The following ST14 variants were observed in gnomAD, a reference collection of about 807,000 sequenced individuals.
ST14 encodes ST14 transmembrane serine protease matriptase.
A neutral mutation model predicts 96.5 loss-of-function variants in ST14; 40 were observed. That is an observed-to-expected ratio of 0.41 (90% CI 0.32 to 0.54). The LOEUF (loss-of-function observed/expected upper bound fraction) is 0.54. Ranked by LOEUF, ST14 falls within the 20% of genes least tolerant of loss-of-function variation. ST14 has a pLI of 0.17. For synonymous variants in ST14, 506 were observed against 492.1 expected, an observed-to-expected ratio of 1.03 and a Z score of -0.37; for missense variants, 1,066 against 1,188.9, an observed-to-expected ratio of 0.90 and a Z score of 1.52.
intron 1 of ST14, among the ~76,000 whole-genome samples, chr11:130,183,242 G>A (rs1953210754): frequency 6.6e-6 from 1 of 152,104 alleles, no homozygotes; most frequent in Non-Finnish European, 1.5e-5. Flanking sequence ...TTACAGGCGT[G>A]AGCCACCACA....
Position 130,188,482 on chromosome 11 carries a change from G to T in ST14, c.242-48G>T. 2 of 1,610,042 alleles carry T rather than the reference G, an allele frequency of 1.2e-6. No homozygotes were observed. Among genetic ancestry groups the T allele is most frequent in the Non-Finnish European group, 1.7e-6 (2 of 1,179,746 alleles). ...CCATTGTGGACGGCGAGGGACAGGC[G>T]GGGGTGGTACCACCTCCCCTGACTG... On this transcript the variant is annotated intron_variant, in intron 2 of 18. Coordinates refer to ENST00000278742, the MANE Select transcript of ST14 (RefSeq NM_021978.4). The surrounding 1 kb of genome is among the most constrained non-coding windows in gnomAD (Gnocchi z 5.4).
At position 130,181,149 on chromosome 11, in the gene ST14, G is replaced by C. The variant is rs1181718168; in HGVS notation, c.82-6965G>C. Among the ~76,000 whole-genome samples, 5 of 151,652 alleles carry C rather than the reference G, an allele frequency of 3.3e-5. No homozygotes were observed. Among genetic ancestry groups the C allele is most frequent in the African/African-American group, 1.2e-4 (5 of 41,192 alleles). Reference sequence around the variant, plus strand: ...GCTGGGTGGGATGGCGGTGGTCCCTGCTGGGTGGGATGGTGGTGATCTGAT... The same window carrying C: ...GCTGGGTGGGATGGCGGTGGTCCCTCCTGGGTGGGATGGTGGTGATCTGAT... On this transcript the variant is annotated intron_variant, in intron 1 of 18. Transcript: ENST00000278742. This position sits in a 1 kb window ranked among gnomAD's most constrained non-coding sequence, Gnocchi z 4.1.
At chr11:130,207,021 C>G (rs934857772) in intron 16 of ST14, among the ~76,000 whole-genome samples, 3 of 152,144 alleles carry the variant, frequency 2.0e-5, no homozygotes. Context: ...CCACTTATTT[C>G]GGGGTTCTTA....
At chr11:130,183,059 C>T (rs1007255220) in intron 1 of ST14, among the ~76,000 whole-genome samples, 15 of 151,738 alleles carry the variant, frequency 9.9e-5, no homozygotes, top group Non-Finnish European at 1.6e-4. Context: ...TGGGTTCAAG[C>T]GACTCTCCTG....
intron 6 of ST14, 71 bp from the exon 7 acceptor site, chr11:130,190,383 G>T (rs1251372365): frequency 2.5e-6 from 4 of 1,595,710 alleles, no homozygotes; most frequent in Non-Finnish European, 8.5e-7. Flanking sequence ...CACCCACGGG[G>T]TCTCAGGGTC....
At chr11:130,175,814 C>A (rs779125928) in intron 1 of ST14, among the ~76,000 whole-genome samples, 23 of 152,076 alleles carry the variant, frequency 1.5e-4, no homozygotes, top group Non-Finnish European at 2.9e-4. Flanking sequence ...CAGGCGTGTG[C>A]CACCACATCC....
chr11:130,188,190 G>T lies in ST14; in HGVS notation c.158G>T (p.Gly53Val). 6.2e-7 allele frequency: 1 copy of T among 1,614,218 alleles called. No individual in the cohort carries two copies. Among genetic ancestry groups the T allele is most frequent in the Non-Finnish European group, 8.5e-7 (1 of 1,180,036 alleles). Reference sequence around the variant, plus strand: ...AAGAAGGTGGAAAAGCATGGCCCGGGGCGCTGGGTGGTGCTGGCAGCCGTG... The same window carrying T: ...AAGAAGGTGGAAAAGCATGGCCCGGTGCGCTGGGTGGTGCTGGCAGCCGTG... ...NVKKVEKHGP[G>V]RWVVLAAVLI... is the part of the protein sequence containing the mutation. The change falls in exon 2 of 19, where the codon GGG becomes GTG. Residue 53 changes from glycine to valine, a missense_variant. By Grantham distance (109) the Gly-to-Val change is moderately radical. Coordinates refer to ENST00000278742, the MANE Select transcript of ST14 (RefSeq NM_021978.4). This position sits in a 1 kb window ranked among gnomAD's most constrained non-coding sequence, Gnocchi z 5.4.
intron 16 of ST14, among the ~76,000 whole-genome samples, chr11:130,203,829 C>G (rs962430697): frequency 6.6e-6 from 1 of 152,080 alleles, no homozygotes; most frequent in African/African-American, 2.4e-5. Context: ...ATTTTTTGTA[C>G]TTTTAGTAGA....
At chr11:130,198,869 G>A in intron 14 of ST14, 78 bp from the exon 15 acceptor site, 2 of 1,609,442 alleles carry the variant, frequency 1.2e-6, no homozygotes, top group South Asian at 2.2e-5. Context: ...GGGCCATGAG[G>A]CGCCATTGGT....
chr11:130,204,022 A>G (rs1310782639), intron 16 of ST14, among the ~76,000 whole-genome samples: 1 of 152,168 alleles, frequency 6.6e-6, no homozygotes, highest in Non-Finnish European at 1.5e-5. Flanking sequence ...GGCCTACGTG[A>G]TGTCGAGGCT....
At chr11:130,189,256 C>T (rs1193953018) in intron 4 of ST14, 2 of 513,878 alleles carry the variant, frequency 3.9e-6, no homozygotes, top group African/African-American at 1.9e-5. Context: ...ACTCAGGCAG[C>T]CTTCAATGAG....
At chr11:130,195,717 A>G (rs1367495080) in intron 9 of ST14, among the ~76,000 whole-genome samples, 2 of 151,934 alleles carry the variant, frequency 1.3e-5, no homozygotes, top group Non-Finnish European at 1.5e-5. Flanking sequence ...GCCGGGTGTG[A>G]TGGCGGGCAC....
rs775542029 is a variant in ST14 at position 130,188,482 on chromosome 11, G to A, written c.242-48G>A. ...CCATTGTGGACGGCGAGGGACAGGC[G>A]GGGGTGGTACCACCTCCCCTGACTG... is the stretch of plus-strand genomic sequence containing the variant. On this transcript the variant is annotated intron_variant, in intron 2 of 18. Coordinates refer to ENST00000278742, the MANE Select transcript of ST14 (RefSeq NM_021978.4). The surrounding 1 kb of genome is among the most constrained non-coding windows in gnomAD (Gnocchi z 5.4). 6.8e-6 allele frequency: 11 copies of A among 1,609,924 alleles called. No homozygotes were observed. The highest frequency in any genetic ancestry group is 1.3e-5 in the African/African-American group (1 of 74,916).
rs1242923530 is a variant in ST14 at position 130,187,277 on chromosome 11, C to T, written c.82-837C>T. Reference sequence around the variant, plus strand: ...GACGGCATGTGCTATCGGCAGAAGCCTTCGCCGGTCCGTCACTGGGTGCAG... The same window carrying T: ...GACGGCATGTGCTATCGGCAGAAGCTTTCGCCGGTCCGTCACTGGGTGCAG... On this transcript the variant is annotated intron_variant, in intron 1 of 18. Transcript: ENST00000278742. This position sits in a 1 kb window ranked among gnomAD's most constrained non-coding sequence, Gnocchi z 4.5. Among the ~76,000 whole-genome samples, 1 of 152,236 alleles carries T rather than the reference C, an allele frequency of 6.6e-6. No homozygotes were observed. The highest frequency in any genetic ancestry group is 2.4e-5 in the African/African-American group (1 of 41,454).
chr11:130,160,079 C>G lies in ST14; in HGVS notation c.81+19C>G. ...GCACGAGGTGAGCGCGGGCCGGGGA[C>G]CCGGGGCGCTGGGAAGCTCCTGCCC... On this transcript the variant is annotated intron_variant, in intron 1 of 18. Coordinates refer to ENST00000278742, the MANE Select transcript of ST14 (RefSeq NM_021978.4). 7.1e-7 allele frequency: 1 copy of G among 1,412,292 alleles called. No individual in the cohort carries two copies. The highest frequency in any genetic ancestry group is 9.3e-7 in the Non-Finnish European group (1 of 1,073,038). The allele number at this position is 1,412,292 out of a possible 1,614,324, so 87.5% of individuals were successfully genotyped here. A position where few individuals can be genotyped will look rare whatever the true frequency, so the allele number is the denominator to read the frequency against.
In ST14 at chr11:130,190,633, G is replaced by T. The variant is rs746320143; in HGVS notation, c.814G>T (p.Gly272Cys). The change falls in exon 7 of 19, where the codon GGC (glycine) becomes TGC (cysteine). Residue 272 changes from glycine (G) to cysteine (C), a missense_variant. Transcript: ENST00000278742. ...SFDLASCDER[G>C]SDLVTVYNTL... Reference sequence around the variant, plus strand: ...TGACCTTGCGTCCTGCGACGAGCGCGGCAGCGACCTGGTGACGGTGTACAA... The same window carrying T: ...TGACCTTGCGTCCTGCGACGAGCGCTGCAGCGACCTGGTGACGGTGTACAA... The T allele has an allele frequency of 6.2e-7, 1 of 1,610,728 alleles. No individual in the cohort carries two copies. The highest frequency in any genetic ancestry group is 8.5e-7 in the Non-Finnish European group (1 of 1,178,866).
intron 1 of ST14, among the ~76,000 whole-genome samples, chr11:130,175,604 C>T (rs976134800): frequency 6.6e-6 from 1 of 151,662 alleles, no homozygotes; most frequent in African/African-American, 2.4e-5. Flanking sequence ...TGGTCTCAAA[C>T]TCCTGACCTC....
At chr11:130,193,588 G>A (rs890780522) in intron 7 of ST14, among the ~76,000 whole-genome samples, 2 of 152,088 alleles carry the variant, frequency 1.3e-5, no homozygotes, top group African/African-American at 2.4e-5. Flanking sequence ...TCCTGCCTCA[G>A]CCTCTGGAGT....
chr11:130,189,708 G>C (rs1183063263), intron 4 of ST14, 31 bp from the exon 5 acceptor site: 4 of 1,605,910 alleles, frequency 2.5e-6, no homozygotes, highest in Admixed American at 1.7e-5. Context: ...GGGGCCCAGA[G>C]CTCCGCCTCA....
Sources: gnomAD v4.1 joint callset for allele counts (sites outside exome capture counted in the v4.1 genomes callset) on GRCh38, gnomAD v4.1.1 for gene constraint, Gnocchi (gnomAD v3.1) non-coding constraint, MANE v1.5 for transcripts, NCBI Gene and HGNC (gene_info 2026-07-23, HGNC 2026-07-21) for gene names.